The following SCML2 variants were observed in gnomAD, a reference collection of about 807,000 sequenced individuals.
The protein encoded by SCML2 is sex comb on midleg-like protein 2.
In SCML2, 6 loss-of-function variants were observed where a neutral mutation model predicts 48.4. The observed-to-expected ratio is 0.12, with a 90% CI of 0.07 to 0.24. SCML2 has a LOEUF of 0.24. Among genes scored for constraint, SCML2 ranks in the 10% least tolerant of loss-of-function variants. The pLI is 1.00. For missense variants in SCML2, 377 were observed against 528.2 expected (o/e 0.71, Z 2.81); for synonymous variants, 181 against 189.5 (o/e 0.95, Z 0.37).
chrX:18,337,355 C>CA (rs747064959), intron 1 of SCML2, among the ~76,000 whole-genome samples: 800 of 27,761 alleles, frequency 0.029, 20 homozygotes, highest in African/African-American at 0.086. Flanking sequence ...ATGTTGGCTA[C>CA]AAAAAAAAAA....
At chrX:18,320,857 C>T (rs1195032385) in intron 5 of SCML2, among the ~76,000 whole-genome samples, 1 of 111,287 alleles carries the variant, frequency 9.0e-6, no homozygotes, top group African/African-American at 3.3e-5. Context: ...AGCACATATA[C>T]ACACACAACA....
chrX:18,282,240 G>GA (rs1041804189), intron 7 of SCML2, among the ~76,000 whole-genome samples: 1 of 108,349 alleles, frequency 9.2e-6, no homozygotes, highest in Admixed American at 9.8e-5. Flanking sequence ...GGTTAACAAA[G>GA]AAAAAAAAAG....
chrX:18,246,734 C>G lies in SCML2; in HGVS notation c.1665G>C (p.Leu555Phe). 2 of 1,208,530 alleles carry G rather than the reference C, an allele frequency of 1.7e-6. No homozygotes were observed. The highest frequency in any genetic ancestry group is 2.2e-6 in the Non-Finnish European group (2 of 893,003). Reference protein sequence around the residue: ...KSSSLNSGNYLNPACRNPMYI... With the variant: ...KSSSLNSGNYFNPACRNPMYI... ...ACATAGGATTTCTACAGGCAGGATTCAAATAATTTCCTGAATTTAGTGATG... is the reference window on the plus strand; with the variant it reads ...ACATAGGATTTCTACAGGCAGGATTGAAATAATTTCCTGAATTTAGTGATG... Residue 555 changes from leucine (L) to phenylalanine (F), a missense_variant, in exon 13 of 15, where the codon TTG becomes TTC. This residue lies in a region of SCML2 where 299 missense variants were observed against 425.5 expected (regional missense o/e 0.70). Coordinates refer to ENST00000251900, the MANE Select transcript of SCML2 (RefSeq NM_006089.3).
At chrX:18,325,125 T>A in intron 3 of SCML2, 148 bp from the exon 4 acceptor site, 1 of 377,723 alleles carries the variant, frequency 2.6e-6, no homozygotes. Context: ...GATTCAAAAA[T>A]CCTGATCTAC....
At chrX:18,304,069 T>C (rs112068893) in intron 7 of SCML2, among the ~76,000 whole-genome samples, 30,381 of 111,006 alleles carry the variant, frequency 0.27, 3,597 homozygotes, top group African/African-American at 0.45. Context: ...GACGGAGTTT[T>C]GTTCTCGTTG....
rs928034514 is a variant in SCML2 at position 18,252,769 on chromosome X, G to T, written c.1456+4079C>A. 3.6e-5 allele frequency among the ~76,000 whole-genome samples: 4 copies of T among 112,055 alleles called. No homozygotes were observed. In the Admixed American group the frequency reaches 3.8e-4, roughly 11 times the overall value. ...AAAATAGAACTTGACACAGGCAGAG[G>T]GCCATACCTAGGCAAAAATAAATCA... On this transcript the variant is annotated intron_variant, in intron 11 of 14. Transcript: ENST00000251900.
chrX:18,241,039 A>T lies in SCML2; in HGVS notation c.*212T>A, dbSNP rs1309823532. 3.3e-5 allele frequency: 8 copies of T among 244,331 alleles called. No individual in the cohort carries two copies. The highest frequency in any genetic ancestry group is 2.0e-4 in the African/African-American group (7 of 35,633). The allele number at this position is 244,331 out of a possible 1,213,427, so 20.1% of individuals were successfully genotyped here. A position where few individuals can be genotyped will look rare whatever the true frequency, so the allele number is the denominator to read the frequency against. ...TGTTAAATGCTTTTTAAAGAAGTAG[A>T]CTGGGGGAGTGGCGGCTGTGTCTCC... On this transcript the variant is annotated 3_prime_UTR_variant, in exon 15 of 15. Transcript: ENST00000251900.
chrX:18,257,090 T>C lies in SCML2; in HGVS notation c.1274-60A>G, dbSNP rs1367548880. ...AGAGAGATGAGAAATACAACACTAA[T>C]TAAAAAAAAAACTATCACCTTAGGA... On this transcript the variant is annotated intron_variant, in intron 10 of 14. Coordinates refer to ENST00000251900, the MANE Select transcript of SCML2 (RefSeq NM_006089.3). 3 of 787,189 alleles carry C rather than the reference T, an allele frequency of 3.8e-6. No homozygotes were observed. In the Admixed American group the frequency reaches 1.1e-4, roughly 30 times the overall value. The allele number at this position is 787,189 out of a possible 1,213,427, so 64.9% of individuals were successfully genotyped here. A position where few individuals can be genotyped will look rare whatever the true frequency, so the allele number is the denominator to read the frequency against.
At chrX:18,344,791 C>T (rs1930146388) in intron 1 of SCML2, among the ~76,000 whole-genome samples, 1 of 110,809 alleles carries the variant, frequency 9.0e-6, no homozygotes, top group Non-Finnish European at 1.9e-5. Flanking sequence ...TTATCGGCAG[C>T]GTGAAAACAG....
chrX:18,295,655 A>G (rs1602113080), intron 7 of SCML2, among the ~76,000 whole-genome samples: 1 of 87,849 alleles, frequency 1.1e-5, no homozygotes, highest in Non-Finnish European at 2.1e-5. Context: ...TGCAAGCCCA[A>G]ATTCAGCCAG....
chrX:18,282,226 G>C (rs1369524303), intron 7 of SCML2, among the ~76,000 whole-genome samples: 1 of 110,907 alleles, frequency 9.0e-6, no homozygotes, highest in East Asian at 2.8e-4. Context: ...TAGACCACTA[G>C]CTAGGTTAAC....
chrX:18,304,027 TA>T (rs1176487295), intron 7 of SCML2, among the ~76,000 whole-genome samples: 2 of 112,114 alleles, frequency 1.8e-5, no homozygotes, highest in Non-Finnish European at 1.9e-5. Context: ...TCAATCCCAC[TA>T]AGTTGATTTT....
At chrX:18,318,023 A>G (rs190341508) in intron 6 of SCML2, among the ~76,000 whole-genome samples, 123 of 111,914 alleles carry the variant, frequency 1.1e-3, no homozygotes, top group African/African-American at 3.9e-3. Flanking sequence ...AAAATTGAAA[A>G]TATAATGTGT....
At chrX:18,313,007 G>A (rs1008931141) in intron 6 of SCML2, among the ~76,000 whole-genome samples, 3 of 91,972 alleles carry the variant, frequency 3.3e-5, no homozygotes, top group African/African-American at 9.3e-5. Context: ...GTGTGTGTGT[G>A]CGCGTGTGTG....
intron 3 of SCML2, among the ~76,000 whole-genome samples, chrX:18,328,047 T>TTA (rs1007181313): frequency 1.6e-4 from 18 of 111,500 alleles, no homozygotes; most frequent in Admixed American, 7.7e-4. Flanking sequence ...TGATATGATT[T>TTA]TATATATATA....
chrX:18,274,873 C>G (rs1364503426), intron 7 of SCML2, among the ~76,000 whole-genome samples: 1 of 111,609 alleles, frequency 9.0e-6, no homozygotes. Context: ...GACCTTTAGT[C>G]TGATAAGAAA....
intron 1 of SCML2, among the ~76,000 whole-genome samples, chrX:18,337,763 A>G (rs1203569768): frequency 4.5e-5 from 5 of 112,076 alleles, no homozygotes; most frequent in African/African-American, 6.5e-5. Flanking sequence ...TCAGTTGGAT[A>G]TAATTGACAT....
intron 2 of SCML2, among the ~76,000 whole-genome samples, chrX:18,331,561 A>G (rs937382369): frequency 1.8e-5 from 2 of 111,614 alleles, no homozygotes; most frequent in Non-Finnish European, 3.8e-5. Context: ...TAAAAACTTA[A>G]GCATAATATT....
intron 11 of SCML2, among the ~76,000 whole-genome samples, chrX:18,256,252 G>C (rs1225323200): frequency 9.0e-6 from 1 of 111,263 alleles, no homozygotes; most frequent in African/African-American, 3.3e-5. Context: ...AGGAGTTCAA[G>C]ACCACCCTGG....
Sources: allele counts gnomAD v4.1 joint callset (sites outside exome capture counted in the v4.1 genomes callset), GRCh38; gene constraint gnomAD v4.1.1; regional missense constraint gnomAD v4.1.1; transcripts MANE v1.5; gene names NCBI Gene and HGNC (gene_info 2026-07-23, HGNC 2026-07-21).